CDH8: variants seen among roughly 807,000 people sequenced by gnomAD.
The protein encoded by CDH8 is cadherin-8.
In CDH8, 17 loss-of-function variants were observed where a neutral mutation model predicts 68.1. That is an observed-to-expected ratio of 0.25 (90% CI 0.17 to 0.37). The LOEUF is 0.37. Among genes scored for constraint, CDH8 ranks in the 10% least tolerant of loss-of-function variants. The pLI is 1.00. For missense variants in CDH8, 763 were observed against 999.3 expected, an observed-to-expected ratio of 0.76 and a Z score of 3.19; for synonymous variants, 372 against 365.1, an observed-to-expected ratio of 1.02 and a Z score of -0.21.
intron 8 of CDH8, among the ~76,000 whole-genome samples, chr16:61,768,398 T>A: frequency 2.8e-5 from 1 of 35,218 alleles, no homozygotes; most frequent in Admixed American, 3.7e-4. Context: ...CTCTCTCCCT[T>A]TCTCTCTCTC....
At chr16:61,974,417 G>A (rs900291188) in intron 2 of CDH8, among the ~76,000 whole-genome samples, 3 of 152,152 alleles carry the variant, frequency 2.0e-5, no homozygotes, top group African/African-American at 7.2e-5. Context: ...AATGCAGGGT[G>A]CAGCTGGCTC....
intron 8 of CDH8, among the ~76,000 whole-genome samples, chr16:61,736,108 A>G (rs373968006): frequency 3.1e-5 from 2 of 64,820 alleles, no homozygotes; most frequent in Non-Finnish European, 6.6e-5. Context: ...GGAAAGAAAG[A>G]AAGAAAGGAA....
chr16:61,963,753 C>T (rs1383298075), intron 2 of CDH8, among the ~76,000 whole-genome samples: 2 of 152,140 alleles, frequency 1.3e-5, no homozygotes, highest in African/African-American at 4.8e-5. Context: ...AAATATTCCT[C>T]AATGTTAATT....
At chr16:61,807,452 T>G (rs1457934169) in intron 7 of CDH8, among the ~76,000 whole-genome samples, 4 of 151,930 alleles carry the variant, frequency 2.6e-5, no homozygotes, top group African/African-American at 9.7e-5. Flanking sequence ...AATGTGCACA[T>G]GTACCCTAAA....
chr16:61,801,140 C>A (rs1049901726), intron 7 of CDH8, among the ~76,000 whole-genome samples: 2 of 151,982 alleles, frequency 1.3e-5, no homozygotes, highest in Non-Finnish European at 2.9e-5. Flanking sequence ...CCTAGATCAG[C>A]ACTTTCTTTT....
intron 2 of CDH8, among the ~76,000 whole-genome samples, chr16:61,964,736 G>A (rs978862137): frequency 3.3e-5 from 5 of 152,024 alleles, no homozygotes; most frequent in East Asian, 1.9e-4. Flanking sequence ...GAGCACAATC[G>A]ATTCTCTCTC....
chr16:61,975,419 T>A (rs188180151), intron 2 of CDH8, among the ~76,000 whole-genome samples: 5 of 152,310 alleles, frequency 3.3e-5, no homozygotes, highest in African/African-American at 1.2e-4. Context: ...GCTCTTCATG[T>A]CTCTGTCAGT....
At chr16:62,032,423 G>C (rs192139877) in intron 1 of CDH8, among the ~76,000 whole-genome samples, 1 of 152,284 alleles carries the variant, frequency 6.6e-6, no homozygotes, top group East Asian at 1.9e-4. Context: ...ACCCTGAGAA[G>C]TGTATAACAC....
intron 8 of CDH8, among the ~76,000 whole-genome samples, chr16:61,737,587 TA>T (rs1959733544): frequency 6.6e-6 from 1 of 152,146 alleles, no homozygotes; most frequent in South Asian, 2.1e-4. Flanking sequence ...ATTTTGCCCA[TA>T]AATGGCATAT....
chr16:61,817,693 C>T lies in CDH8; in HGVS notation c.1063G>A (p.Val355Ile), dbSNP rs771797284. The T allele has an allele frequency of 2.5e-6, 4 of 1,600,252 alleles. No individual in the cohort carries two copies. In the East Asian group the frequency reaches 6.7e-5, roughly 27 times the overall value. The change falls in exon 7 of 12, where the codon GTA becomes ATA. Residue 355 changes from valine to isoleucine, a missense_variant. Coordinates refer to ENST00000577390, the MANE Select transcript of CDH8 (RefSeq NM_001796.5). ...FETKKSYTLKVEAANVHIDPR... is the reference protein window; with the variant it reads ...FETKKSYTLKIEAANVHIDPR... Reference sequence around the variant, plus strand: ...TCAATATGGACATTGGCTGCCTCTACCTTTAGCGTATAGGATTTTTTGGTC... The same window carrying T: ...TCAATATGGACATTGGCTGCCTCTATCTTTAGCGTATAGGATTTTTTGGTC...
chr16:61,813,189 G>T (rs890980197), intron 7 of CDH8, among the ~76,000 whole-genome samples: 3 of 152,084 alleles, frequency 2.0e-5, no homozygotes, highest in African/African-American at 7.2e-5. Context: ...TTTAGAGAAT[G>T]AATAGTCAAT....
intron 2 of CDH8, among the ~76,000 whole-genome samples, chr16:61,965,861 C>G (rs1386215731): frequency 6.6e-6 from 1 of 152,184 alleles, no homozygotes; most frequent in African/African-American, 2.4e-5. Flanking sequence ...TCATTTGCAG[C>G]AGCTCTTTAG....
intron 2 of CDH8, among the ~76,000 whole-genome samples, chr16:61,926,377 C>A (rs1294304895): frequency 2.0e-5 from 3 of 152,148 alleles, no homozygotes; most frequent in African/African-American, 4.8e-5. Context: ...TCCAATACTT[C>A]ACATTCCTTT....
intron 3 of CDH8, among the ~76,000 whole-genome samples, chr16:61,881,894 T>C (rs1963585347): frequency 6.6e-6 from 1 of 152,186 alleles, no homozygotes. Flanking sequence ...CATTTCTATA[T>C]TCTCTAAGCT....
chr16:61,899,021 CAG>C (rs1330822009), intron 3 of CDH8, among the ~76,000 whole-genome samples: 1 of 151,946 alleles, frequency 6.6e-6, no homozygotes, highest in Non-Finnish European at 1.5e-5. Flanking sequence ...GATACATGTG[CAG>C]AATGTGCAGG....
chr16:61,835,874 C>A (rs138260919), intron 4 of CDH8, among the ~76,000 whole-genome samples: 1,535 of 152,008 alleles, frequency 0.01, 8 homozygotes, highest in Middle Eastern at 0.014. Flanking sequence ...GAGAATGGGG[C>A]ACTGGCCTTG....
intron 10 of CDH8, chr16:61,710,648 T>C (rs901096604): frequency 3.3e-5 from 5 of 152,148 alleles, no homozygotes; most frequent in African/African-American, 1.2e-4. Flanking sequence ...CAGAGATTTG[T>C]ATTTTCTCTC....
At chr16:61,758,138 G>C (rs370463042) in intron 8 of CDH8, among the ~76,000 whole-genome samples, 1 of 152,120 alleles carries the variant, frequency 6.6e-6, no homozygotes, top group Admixed American at 6.5e-5. Context: ...AGATCTCACA[G>C]TAAAGTAACT....
At chr16:61,919,285 C>T (rs1313048502) in intron 2 of CDH8, among the ~76,000 whole-genome samples, 1 of 148,406 alleles carries the variant, frequency 6.7e-6, no homozygotes, top group African/African-American at 2.5e-5. Context: ...AACGCAGTTC[C>T]TCACCAGCAA....
Sources: gnomAD v4.1 joint callset for allele counts (sites outside exome capture counted in the v4.1 genomes callset) on GRCh38, gnomAD v4.1.1 for gene constraint, MANE v1.5 for transcripts, NCBI Gene and HGNC (gene_info 2026-07-23, HGNC 2026-07-21) for gene names.